WDR25: variants seen among roughly 807,000 people sequenced by gnomAD.
WDR25 encodes WD repeat-containing protein 25.
In WDR25, 35 loss-of-function variants were observed where a neutral mutation model predicts 47.7. The observed-to-expected ratio is 0.73, with a 90% CI of 0.56 to 0.97. The LOEUF (loss-of-function observed/expected upper bound fraction) is 0.97. Ranked by LOEUF, WDR25 falls within the 50% of genes least tolerant of loss-of-function variation. The pLI, the probability that WDR25 is intolerant of heterozygous loss-of-function variation, is 0.00. For synonymous variants in WDR25, 248 were observed against 278.9 expected (o/e 0.89, Z 1.10); for missense variants, 634 against 704.7 (o/e 0.90, Z 1.14).
chr14:100,460,233 C>T (rs1899362547), intron 2 of WDR25, among the ~76,000 whole-genome samples: 1 of 151,622 alleles, frequency 6.6e-6, no homozygotes. Context: ...CTGCCTCAGC[C>T]TCCTGAGTAA....
chr14:100,453,981 C>A (rs1301920766), intron 2 of WDR25, among the ~76,000 whole-genome samples: 1 of 152,144 alleles, frequency 6.6e-6, no homozygotes, highest in Non-Finnish European at 1.5e-5. Flanking sequence ...TCTCCTCAAC[C>A]TTTCCTTCGA....
At chr14:100,487,663 ATG>A (rs1900429798) in intron 4 of WDR25, 1 of 152,210 alleles carries the variant, frequency 6.6e-6, no homozygotes, top group East Asian at 1.9e-4. Flanking sequence ...TGCTCAGAGA[ATG>A]TGTTTTCCAA....
At chr14:100,518,745 G>C (rs1338552002) in intron 4 of WDR25, among the ~76,000 whole-genome samples, 1 of 151,984 alleles carries the variant, frequency 6.6e-6, no homozygotes, top group African/African-American at 2.4e-5. Flanking sequence ...CAAAAAATTA[G>C]CCAGGCATTG....
rs564584536 is a variant in WDR25 at position 100,523,756 on chromosome 14, T to C, written c.1102-2114T>C. Among the ~76,000 whole-genome samples the C allele has an allele frequency of 6.6e-6, 1 of 152,190 alleles. No homozygotes were observed. The highest frequency in any genetic ancestry group is 1.5e-5 in the Non-Finnish European group (1 of 67,994). ...GCATGTGTCATGATCGATCTTCTGCTTTCCCCAAGACCATGTCCCTGCATC... is the reference window on the plus strand; with the variant it reads ...GCATGTGTCATGATCGATCTTCTGCCTTCCCCAAGACCATGTCCCTGCATC... On this transcript the variant is annotated intron_variant, in intron 4 of 6. Coordinates refer to ENST00000402312, the MANE Select transcript of WDR25 (RefSeq NM_001161476.3). This position sits in a 1 kb window ranked among gnomAD's most constrained non-coding sequence, Gnocchi z 4.7.
intron 3 of WDR25, among the ~76,000 whole-genome samples, chr14:100,478,777 A>G (rs1471789628): frequency 6.6e-6 from 1 of 152,206 alleles, no homozygotes; most frequent in African/African-American, 2.4e-5. Flanking sequence ...TTAGCAATTC[A>G]GCTTTCACAT....
In WDR25 at chr14:100,430,487, G is replaced by A. The variant is rs1040524166; in HGVS notation, c.823-37534G>A. The stretch of plus-strand genomic sequence containing the variant: ...AAGGAGAGTGTTTTATCATCAGCAC[G>A]TCAGATGGCGCCTGGCACAAAGTAG... On this transcript the variant is annotated intron_variant, in intron 2 of 6. Coordinates refer to ENST00000402312, the MANE Select transcript of WDR25 (RefSeq NM_001161476.3). The surrounding 1 kb of genome is among the most constrained non-coding windows in gnomAD (Gnocchi z 4.7). 3.3e-5 allele frequency among the ~76,000 whole-genome samples: 5 copies of A among 152,208 alleles called. No homozygotes were observed. In the South Asian group the frequency reaches 6.2e-4, roughly 19 times the overall value.
intron 2 of WDR25, among the ~76,000 whole-genome samples, chr14:100,431,915 GATCAGGCTGGTCCCGA>G (rs1465373271): frequency 6.6e-6 from 1 of 152,168 alleles, no homozygotes; most frequent in Non-Finnish European, 1.5e-5. Context: ...TCACCAGATT[GATCAGGCTGGTCCCGA>G]ACTACTGACC....
At chr14:100,409,350 G>T (rs988601438) in intron 2 of WDR25, among the ~76,000 whole-genome samples, 1 of 152,174 alleles carries the variant, frequency 6.6e-6, no homozygotes. Context: ...TTTAGTATAT[G>T]AATCAGTTAG....
intron 3 of WDR25, among the ~76,000 whole-genome samples, chr14:100,475,640 A>G (rs1359468201): frequency 2.0e-5 from 3 of 152,176 alleles, no homozygotes; most frequent in South Asian, 2.1e-4. Flanking sequence ...AGGGGTGGAT[A>G]TGGAAAGTGG....
At chr14:100,507,811 G>C (rs1446768345) in intron 4 of WDR25, among the ~76,000 whole-genome samples, 1 of 152,030 alleles carries the variant, frequency 6.6e-6, no homozygotes, top group Non-Finnish European at 1.5e-5. Context: ...ATTAGTTCCA[G>C]GAGCCCTTTG....
intron 4 of WDR25, among the ~76,000 whole-genome samples, chr14:100,518,765 C>T (rs1467267093): frequency 4.6e-5 from 7 of 151,892 alleles, no homozygotes; most frequent in Non-Finnish European, 1.0e-4. Flanking sequence ...GCAACGTGTG[C>T]CTGTAGTCCC....
intron 4 of WDR25, among the ~76,000 whole-genome samples, chr14:100,495,123 G>A (rs1318367074): frequency 2.6e-5 from 4 of 152,330 alleles, no homozygotes; most frequent in African/African-American, 9.6e-5. Flanking sequence ...TTGGGAGGCC[G>A]AGGAGGGCGG....
chr14:100,472,051 C>T (rs1221092880), intron 3 of WDR25, among the ~76,000 whole-genome samples: 1 of 152,222 alleles, frequency 6.6e-6, no homozygotes, highest in African/African-American at 2.4e-5. Flanking sequence ...CCGGAGAGCT[C>T]CCTCAGTTCT....
At chr14:100,414,765 C>G (rs1897822134) in intron 2 of WDR25, among the ~76,000 whole-genome samples, 1 of 152,048 alleles carries the variant, frequency 6.6e-6, no homozygotes, top group African/African-American at 2.4e-5. Flanking sequence ...GAGGTGACAC[C>G]ATCTTATTTA....
chr14:100,436,839 C>T (rs548286851), intron 2 of WDR25, among the ~76,000 whole-genome samples: 1 of 152,320 alleles, frequency 6.6e-6, no homozygotes, highest in East Asian at 1.9e-4. Context: ...TACATGCGCA[C>T]CCCAGAAGCA....
At chr14:100,509,631 G>A (rs1901234020) in intron 4 of WDR25, among the ~76,000 whole-genome samples, 1 of 152,090 alleles carries the variant, frequency 6.6e-6, no homozygotes, top group African/African-American at 2.4e-5. Flanking sequence ...TACAGTTTAA[G>A]TTTTCATATA....
chr14:100,393,059 G>C (rs1030042141), intron 2 of WDR25, among the ~76,000 whole-genome samples: 3 of 152,222 alleles, frequency 2.0e-5, no homozygotes, highest in African/African-American at 4.8e-5. Context: ...GAAGCCCCAA[G>C]GGGGCAAAGG....
intron 3 of WDR25, among the ~76,000 whole-genome samples, chr14:100,479,801 C>T (rs529574828): frequency 1.3e-5 from 2 of 152,238 alleles, no homozygotes; most frequent in South Asian, 4.2e-4. Context: ...GGTGAGTGAA[C>T]ATTCCCGCCT....
At chr14:100,427,248 A>G (rs1420935402) in intron 2 of WDR25, among the ~76,000 whole-genome samples, 1 of 152,002 alleles carries the variant, frequency 6.6e-6, no homozygotes, top group Non-Finnish European at 1.5e-5. Context: ...ACTTTGTGAG[A>G]CAGCCCTTTT....
Sources: allele counts gnomAD v4.1 joint callset (sites outside exome capture counted in the v4.1 genomes callset), GRCh38; gene constraint gnomAD v4.1.1; non-coding constraint Gnocchi (gnomAD v3.1); transcripts MANE v1.5; gene names NCBI Gene and HGNC (gene_info 2026-07-23, HGNC 2026-07-21).